The following ACYP1 variants were observed in gnomAD, a reference collection of about 807,000 sequenced individuals.
The protein encoded by ACYP1 is acylphosphatase 1.
ACYP1 carries 8 observed loss-of-function variants against 10.4 expected under a neutral mutation model. The ratio of observed to expected loss-of-function variants is 0.77; its 90% CI spans 0.45 to 1.38. The LOEUF (loss-of-function observed/expected upper bound fraction) is 1.38, where lower values mean the gene tolerates loss of function less well. Among genes scored for constraint, ACYP1 ranks in the 40% most tolerant of loss-of-function variants. ACYP1 has a pLI of 0.00. For missense variants in ACYP1, 93 were observed against 117.3 expected, an observed-to-expected ratio of 0.79 and a Z score of 0.96; for synonymous variants, 38 against 40.8, an observed-to-expected ratio of 0.93 and a Z score of 0.26.
chr14:75,058,701 A>G (rs1020882268), intron 2 of ACYP1, among the ~76,000 whole-genome samples: 1 of 151,422 alleles, frequency 6.6e-6, no homozygotes, highest in African/African-American at 2.4e-5. Context: ...GAGTCCAGAA[A>G]TAAATCCTTA....
At chr14:75,061,194 G>T (rs1198342644) in intron 2 of ACYP1, among the ~76,000 whole-genome samples, 1 of 152,122 alleles carries the variant, frequency 6.6e-6, no homozygotes, top group Admixed American at 6.6e-5. Context: ...CTAGGTAGGG[G>T]TTTCTTTTTG....
chr14:75,066,856 A>G (rs1178217375), upstream of ACYP1, among the ~76,000 whole-genome samples: 1 of 152,194 alleles, frequency 6.6e-6, no homozygotes, highest in Non-Finnish European at 1.5e-5. Flanking sequence ...TCTCAAAGAA[A>G]AAAAGGAAGA....
chr14:75,060,805 C>CA (rs1892995304), intron 2 of ACYP1, among the ~76,000 whole-genome samples: 1 of 152,150 alleles, frequency 6.6e-6, no homozygotes, highest in Non-Finnish European at 1.5e-5. Flanking sequence ...GTGGCTCATG[C>CA]GTGTAATCCC....
At chr14:75,054,621 T>C (rs954556368) in intron 2 of ACYP1, among the ~76,000 whole-genome samples, 4 of 151,514 alleles carry the variant, frequency 2.6e-5, no homozygotes, top group African/African-American at 9.8e-5. Flanking sequence ...ATGTGGGAAA[T>C]TGCTGGAGTT....
chr14:75,057,512 A>C (rs936720135), intron 2 of ACYP1, among the ~76,000 whole-genome samples: 1 of 151,520 alleles, frequency 6.6e-6, no homozygotes, highest in Non-Finnish European at 1.5e-5. Flanking sequence ...TTTACATGGA[A>C]ACATAAGGGA....
At chr14:75,069,204 C>G in intron 1 of ACYP1, 1 of 1,516,364 alleles carries the variant, frequency 6.6e-7, no homozygotes, top group South Asian at 1.2e-5. Context: ...GCGCGTGCAG[C>G]CATACCTGGG....
At chr14:75,069,287 G>A (rs964865222) in exon 1 of ACYP1, 3 of 1,436,360 alleles carry the variant, frequency 2.1e-6, no homozygotes, top group African/African-American at 3.0e-5. Context: ...GGCGGACGCC[G>A]GCATCCTGCG....
upstream of ACYP1, among the ~76,000 whole-genome samples, chr14:75,065,080 G>A (rs1893120419): frequency 6.6e-6 from 1 of 152,326 alleles, no homozygotes; most frequent in South Asian, 2.1e-4. Context: ...CAAACTACAC[G>A]AATTTATTTT....
intron 2 of ACYP1, among the ~76,000 whole-genome samples, chr14:75,054,185 C>T (rs929515106): frequency 3.3e-5 from 5 of 152,210 alleles, no homozygotes; most frequent in Non-Finnish European, 7.4e-5. Context: ...GGCAACTCAT[C>T]CCGTTGTTCT....
At chr14:75,065,543 AACTT>A (rs771878057), upstream of ACYP1, among the ~76,000 whole-genome samples, 2 of 152,228 alleles carry the variant, frequency 1.3e-5, no homozygotes, top group Non-Finnish European at 2.9e-5. Flanking sequence ...TAGAATTCAA[AACTT>A]ACTGAGTGTC....
upstream of ACYP1, among the ~76,000 whole-genome samples, chr14:75,066,028 G>C (rs904791522): frequency 6.6e-6 from 1 of 152,206 alleles, no homozygotes; most frequent in Non-Finnish European, 1.5e-5. Context: ...CTTTGGGGAA[G>C]CTTTAAAAAT....
intron 2 of ACYP1, among the ~76,000 whole-genome samples, chr14:75,062,519 A>T (rs1258578859): frequency 5.3e-5 from 8 of 151,970 alleles, no homozygotes; most frequent in Admixed American, 2.6e-4. Flanking sequence ...GACACTTAAG[A>T]AGTTCTGCAG....
upstream of ACYP1, among the ~76,000 whole-genome samples, chr14:75,066,786 A>T (rs1893149299): frequency 6.6e-6 from 1 of 152,202 alleles, no homozygotes; most frequent in African/African-American, 2.4e-5. Context: ...TGAGAGGCAG[A>T]GGTTGCAGTG....
chr14:75,068,577 A>C (rs1893205446), upstream of ACYP1, among the ~76,000 whole-genome samples: 1 of 152,066 alleles, frequency 6.6e-6, no homozygotes, highest in South Asian at 2.1e-4. Flanking sequence ...AGAGAGAAAG[A>C]GAAAAAGAAA....
intron 2 of ACYP1, among the ~76,000 whole-genome samples, chr14:75,061,956 C>T (rs1031779014): frequency 2.6e-4 from 40 of 151,782 alleles, no homozygotes; most frequent in African/African-American, 9.4e-4. Context: ...ACAAAATTAG[C>T]GGGGCATGGT....
upstream of ACYP1, among the ~76,000 whole-genome samples, chr14:75,068,580 AAAAG>A (rs1372975483): frequency 1.6e-4 from 25 of 152,020 alleles, no homozygotes. Flanking sequence ...GAGAAAGAGA[AAAAG>A]AAAGCCGGTA....
chr14:75,067,178 G>T (rs370912348), upstream of ACYP1, among the ~76,000 whole-genome samples: 48 of 129,154 alleles, frequency 3.7e-4, no homozygotes, highest in African/African-American at 1.5e-3. Context: ...AGAATGTCTG[G>T]AACTACACAC....
At chr14:75,069,083 T>A in intron 1 of ACYP1, 1 of 972,598 alleles carries the variant, frequency 1.0e-6, no homozygotes, top group East Asian at 3.0e-5. Flanking sequence ...AGTAAAACAT[T>A]ATAATATCAA....
At chr14:75,069,008 A>G (rs1893222306), upstream of ACYP1, among the ~76,000 whole-genome samples, 1 of 152,258 alleles carries the variant, frequency 6.6e-6, no homozygotes, top group South Asian at 2.1e-4. Context: ...AGTTAACTTT[A>G]TCATCATTAC....
Sources: gnomAD v4.1 joint callset for allele counts (sites outside exome capture counted in the v4.1 genomes callset) on GRCh38, gnomAD v4.1.1 for gene constraint, MANE v1.5 for transcripts, NCBI Gene and HGNC (gene_info 2026-07-23, HGNC 2026-07-21) for gene names.